UBQLN1: variants seen among roughly 807,000 people sequenced by gnomAD.
UBQLN1 encodes the protein ubiquilin 1.
UBQLN1 carries 13 observed loss-of-function variants against 65.4 expected under a neutral mutation model. The ratio of observed to expected loss-of-function variants is 0.20; its 90% CI spans 0.13 to 0.32. UBQLN1 has a LOEUF of 0.32. UBQLN1 is among the 10% of genes least tolerant of loss of function. The probability of loss-of-function intolerance (pLI) is 1.00; values close to 1 mark genes in which losing one functional copy is unlikely to be tolerated. For missense variants in UBQLN1, 561 were observed against 724.0 expected (o/e 0.77, Z 2.58); for synonymous variants, 267 against 247.8 (o/e 1.08, Z -0.73).
chr9:83,707,599 C>A lies in UBQLN1; in HGVS notation c.81G>T (p.Ala27=), dbSNP rs779067338. The change falls in exon 1 of 11, where the codon GCG becomes GCT. Residue 27 remains alanine (A), a synonymous_variant. Coordinates refer to ENST00000376395, the MANE Select transcript of UBQLN1 (RefSeq NM_013438.5). ...AAGAEGAGAP[A]AAASAEPKIM... ...TTTTGGGCTCCGCGGAGGCAGCGGC[C>A]GCGGGGGCGCCAGCACCTTCGGCTC... The A allele has an allele frequency of 2.5e-6, 4 of 1,599,400 alleles. No individual in the cohort carries two copies. Among genetic ancestry groups the A allele is most frequent in the Admixed American group, 3.4e-5 (2 of 57,998 alleles).
chr9:83,685,690 T>C (rs996425524), intron 2 of UBQLN1, among the ~76,000 whole-genome samples: 7 of 151,814 alleles, frequency 4.6e-5, no homozygotes, highest in African/African-American at 1.2e-4. Context: ...AGGAGATAAG[T>C]TACTCATGAT....
chr9:83,690,892 CT>C (rs1273702781), intron 1 of UBQLN1, among the ~76,000 whole-genome samples: 2 of 152,198 alleles, frequency 1.3e-5, no homozygotes, highest in African/African-American at 2.4e-5. Flanking sequence ...AATCCCAACA[CT>C]TTGGGAGGCC....
intron 1 of UBQLN1, among the ~76,000 whole-genome samples, chr9:83,697,838 C>A (rs1272869502): frequency 6.8e-6 from 1 of 147,758 alleles, no homozygotes; most frequent in Non-Finnish European, 1.5e-5. Flanking sequence ...CAGGTTCAAG[C>A]GATTCTCCCG....
chr9:83,679,716 A>T (rs778261003), intron 4 of UBQLN1, 59 bp downstream of exon 4: 9 of 1,558,866 alleles, frequency 5.8e-6, no homozygotes, highest in Admixed American at 1.7e-5. Context: ...AACCACAGAA[A>T]ATTAAATAAC....
chr9:83,685,821 C>T (rs1178911853), intron 2 of UBQLN1, among the ~76,000 whole-genome samples, 183 bp downstream of exon 2: 1 of 152,090 alleles, frequency 6.6e-6, no homozygotes, highest in Non-Finnish European at 1.5e-5. Flanking sequence ...GGTTATCTGA[C>T]AATCACGTAA....
rs374076954 is a variant in UBQLN1, at chr9:83,677,597, GA to G, written c.1105+129del. 1.4e-3 allele frequency: 968 copies of G among 669,146 alleles called. 7 individuals are homozygous for G. In the African/African-American group the frequency reaches 0.015, roughly 11 times the overall value. The allele number at this position is 669,146 out of a possible 1,614,324, so 41.5% of individuals were successfully genotyped here. A position where few individuals can be genotyped will look rare whatever the true frequency, so the allele number is the denominator to read the frequency against. ...AAACAAAACAAAACAAAAGCAACAT[GA>G]AAAATATAGTTTATAAAAGATACTC... On this transcript the variant is annotated intron_variant, in intron 6 of 10. Transcript: ENST00000376395.
chr9:83,672,300 C>A (rs900424575), intron 6 of UBQLN1, among the ~76,000 whole-genome samples: 1 of 152,196 alleles, frequency 6.6e-6, no homozygotes, highest in Non-Finnish European at 1.5e-5. Context: ...ACTTTTCCTT[C>A]GCATTCACAA....
chr9:83,697,630 A>T (rs1411279931), intron 1 of UBQLN1, among the ~76,000 whole-genome samples: 1 of 146,532 alleles, frequency 6.8e-6, no homozygotes, highest in African/African-American at 2.5e-5. Context: ...ATCTCAGCTC[A>T]CTGCAACCTC....
chr9:83,697,137 T>C lies in UBQLN1; in HGVS notation c.180+10363A>G, dbSNP rs115046046. On this transcript the variant is annotated intron_variant, in intron 1 of 10. Coordinates refer to ENST00000376395, the MANE Select transcript of UBQLN1 (RefSeq NM_013438.5). ...GGAAAGTCAAGGCAGTTTGGGGCAGTGGATCGGTGAGGCCTCCCAAGTTTG... is the reference window on the plus strand; with the variant it reads ...GGAAAGTCAAGGCAGTTTGGGGCAGCGGATCGGTGAGGCCTCCCAAGTTTG... Among the ~76,000 whole-genome samples, 686 of 151,994 alleles carry C rather than the reference T, an allele frequency of 4.5e-3. 3 individuals carry two copies. Among genetic ancestry groups the C allele is most frequent in the African/African-American group, 0.015 (635 of 41,470 alleles).
chr9:83,671,214 G>A (rs996597745), intron 6 of UBQLN1, among the ~76,000 whole-genome samples: 1 of 152,120 alleles, frequency 6.6e-6, no homozygotes. Context: ...ACCCCTCAAA[G>A]GCATCCATGA....
intron 3 of UBQLN1, among the ~76,000 whole-genome samples, chr9:83,680,778 C>A (rs966374313): frequency 1.3e-5 from 2 of 152,142 alleles, no homozygotes; most frequent in Non-Finnish European, 2.9e-5. Context: ...AATTATTGAA[C>A]CTGAGGAGGA....
chr9:83,674,628 G>A (rs1472731374), intron 6 of UBQLN1, among the ~76,000 whole-genome samples: 3 of 152,080 alleles, frequency 2.0e-5, no homozygotes, highest in Admixed American at 6.6e-5. Flanking sequence ...AAGTCTACTC[G>A]GCTCTCAGGA....
intron 2 of UBQLN1, 54 bp from the exon 3 acceptor site, chr9:83,683,120 G>C: frequency 7.3e-7 from 1 of 1,367,352 alleles, no homozygotes; most frequent in Non-Finnish European, 1.0e-6. Context: ...ATTTTTAAAA[G>C]AACCACCAAA....
intron 1 of UBQLN1, among the ~76,000 whole-genome samples, chr9:83,702,822 T>G (rs141259181): frequency 4.1e-4 from 62 of 152,332 alleles, no homozygotes; most frequent in Non-Finnish European, 1.2e-4. Flanking sequence ...CTAAGGCAAG[T>G]TGCCTTATCA....
intron 1 of UBQLN1, among the ~76,000 whole-genome samples, chr9:83,688,728 G>T (rs960802332): frequency 6.6e-6 from 1 of 152,018 alleles, no homozygotes. Flanking sequence ...GGGCATTGTG[G>T]TGCATGTCTG....
intron 1 of UBQLN1, among the ~76,000 whole-genome samples, chr9:83,696,096 C>T (rs991799468): frequency 6.6e-5 from 10 of 152,208 alleles, no homozygotes; most frequent in South Asian, 2.1e-4. Context: ...CACACCACCA[C>T]GCCCAGCTAA....
At chr9:83,704,830 A>AAAAG (rs1832371761) in intron 1 of UBQLN1, among the ~76,000 whole-genome samples, 1 of 150,956 alleles carries the variant, frequency 6.6e-6, no homozygotes, top group African/African-American at 2.5e-5. Flanking sequence ...ATCTCAAAAA[A>AAAAG]AAAAAAAAAA....
intron 4 of UBQLN1, among the ~76,000 whole-genome samples, chr9:83,679,363 T>C (rs970778104): frequency 6.6e-6 from 1 of 152,196 alleles, no homozygotes; most frequent in African/African-American, 2.4e-5. Context: ...GATTCTAGAA[T>C]CACAAATAAA....
At chr9:83,705,984 G>C (rs1832398486) in intron 1 of UBQLN1, among the ~76,000 whole-genome samples, 1 of 151,708 alleles carries the variant, frequency 6.6e-6, no homozygotes, top group Admixed American at 6.6e-5. Context: ...TGACTGAAAT[G>C]ACTGGGAAAA....
Sources: allele counts gnomAD v4.1 joint callset (sites outside exome capture counted in the v4.1 genomes callset), GRCh38; gene constraint gnomAD v4.1.1; transcripts MANE v1.5; gene names NCBI Gene and HGNC (gene_info 2026-07-23, HGNC 2026-07-21).